WRN: variants seen among roughly 807,000 people sequenced by gnomAD.
WRN encodes WRN RecQ like helicase, also known as bifunctional 3'-5' exonuclease/ATP-dependent helicase WRN.
Under a neutral mutation model 180.7 loss-of-function variants are expected in WRN, and 149 were observed. The observed-to-expected ratio is 0.82, with a 90% CI of 0.72 to 0.94. The LOEUF (loss-of-function observed/expected upper bound fraction) is 0.94, where lower values mean the gene tolerates loss of function less well. Among genes scored for constraint, WRN ranks in the 40% least tolerant of loss-of-function variants. The probability of loss-of-function intolerance (pLI) is 0.00; values close to 1 mark genes in which losing one functional copy is unlikely to be tolerated. For synonymous variants in WRN, 548 were observed against 568.9 expected (o/e 0.96, Z 0.52); for missense variants, 1,661 against 1,700.1 (o/e 0.98, Z 0.40).
At chr8:31,090,334 G>A in intron 13 of WRN, 131 bp from the exon 14 acceptor site, 1 of 837,806 alleles carries the variant, frequency 1.2e-6, no homozygotes, top group African/African-American at 1.9e-5. Context: ...TAAAGTTCCA[G>A]GTTTGTGCAT....
chr8:31,080,965 A>G lies in WRN; in HGVS notation c.938A>G (p.Asn313Ser). ...ATTGAGACTGAACTGAGGCCCAGCA[A>G]TAATTTAAACTTATTATCCTTTGAA... is the stretch of plus-strand genomic sequence containing the variant. ...TNIETELRPS[N>S]NLNLLSFEDS... The change falls in exon 9 of 35, where the codon AAT becomes AGT. Residue 313 changes from asparagine (N) to serine (S), a missense_variant. This residue lies in a region of WRN where 500 missense variants were observed against 504.1 expected (regional missense o/e 0.99). Transcript: ENST00000298139. The G allele has an allele frequency of 6.2e-7, 1 of 1,613,974 alleles. No homozygotes were observed. Among genetic ancestry groups the G allele is most frequent in the Non-Finnish European group, 8.5e-7 (1 of 1,179,916 alleles).
intron 33 of WRN, among the ~76,000 whole-genome samples, chr8:31,161,016 TC>T (rs1342469613): frequency 2.0e-5 from 3 of 150,070 alleles, no homozygotes; most frequent in South Asian, 2.1e-4. Flanking sequence ...TTTGTGCAGT[TC>T]CCCCCACCCC....
chr8:31,091,720 A>C (rs1813753431), intron 15 of WRN, 110 bp from the exon 16 acceptor site: 3 of 1,135,666 alleles, frequency 2.6e-6, no homozygotes, highest in South Asian at 2.8e-5. Flanking sequence ...AGAAAATTGC[A>C]AAGAACAGGA....
At chr8:31,114,957 G>A (rs980618069) in intron 19 of WRN, among the ~76,000 whole-genome samples, 6 of 150,132 alleles carry the variant, frequency 4.0e-5, no homozygotes, top group African/African-American at 7.4e-5. Context: ...ATGCAGTGGC[G>A]GGATCTTGGC....
intron 33 of WRN, among the ~76,000 whole-genome samples, chr8:31,162,018 A>G (rs1335815191): frequency 6.6e-6 from 1 of 151,800 alleles, no homozygotes; most frequent in Non-Finnish European, 1.5e-5. Flanking sequence ...GGCCACACTC[A>G]CCCCTGTGAT....
At chr8:31,067,382 T>C (rs1472397856) in intron 6 of WRN, among the ~76,000 whole-genome samples, 200 bp downstream of exon 6, 1 of 152,206 alleles carries the variant, frequency 6.6e-6, no homozygotes, top group Admixed American at 6.5e-5. Context: ...ATCAACAGAT[T>C]GTTCAATGCT....
Position 31,175,413 on chromosome 8 carries a change from G to A in WRN, c.*2311G>A, listed in dbSNP as rs1000558044. Among the ~76,000 whole-genome samples, 10 of 152,142 alleles carry A rather than the reference G, an allele frequency of 6.6e-5. No homozygotes were observed. Among genetic ancestry groups the A allele is most frequent in the African/African-American group, 4.8e-5 (2 of 41,430 alleles). ...CTGCGCCACTGCACCCCAGCCTGGC[G>A]ACAGAGCAAGACTCCGTCTCAAAAA... On this transcript the variant is annotated 3_prime_UTR_variant, in exon 35 of 35. Coordinates refer to ENST00000298139, the MANE Select transcript of WRN (RefSeq NM_000553.6).
At chr8:31,072,748 A>G (rs1354269485) in intron 7 of WRN, among the ~76,000 whole-genome samples, 1 of 152,216 alleles carries the variant, frequency 6.6e-6, no homozygotes, top group Non-Finnish European at 1.5e-5. Flanking sequence ...TATAACACTT[A>G]TATGTTGGGT....
intron 19 of WRN, among the ~76,000 whole-genome samples, chr8:31,112,233 C>G (rs1801349331): frequency 6.6e-6 from 1 of 152,014 alleles, no homozygotes; most frequent in Admixed American, 6.6e-5. Flanking sequence ...CACCACCATG[C>G]CTGGCTAGGA....
chr8:31,139,674 A>G (rs560722626), intron 24 of WRN, among the ~76,000 whole-genome samples: 1 of 152,346 alleles, frequency 6.6e-6, no homozygotes, highest in African/African-American at 2.4e-5. Flanking sequence ...GTTGATACTT[A>G]CGAAGCTCAT....
intron 22 of WRN, 87 bp from the exon 23 acceptor site, chr8:31,124,821 T>C: frequency 3.0e-6 from 4 of 1,346,662 alleles, no homozygotes; most frequent in South Asian, 1.2e-5. Context: ...AATCAATTAA[T>C]GGTGATTTTA....
intron 19 of WRN, among the ~76,000 whole-genome samples, chr8:31,115,825 A>G (rs1936899364): frequency 6.6e-6 from 1 of 152,198 alleles, no homozygotes; most frequent in Non-Finnish European, 1.5e-5. Context: ...GTTTTCTATA[A>G]CATTCAGTCT....
At chr8:31,135,004 C>T (rs1056768591) in intron 24 of WRN, among the ~76,000 whole-genome samples, 3 of 152,004 alleles carry the variant, frequency 2.0e-5, no homozygotes, top group Non-Finnish European at 4.4e-5. Flanking sequence ...AAAGCACCCC[C>T]GTCCTCCCCC....
chr8:31,151,361 A>G (rs1310682228), intron 31 of WRN, among the ~76,000 whole-genome samples: 1 of 152,202 alleles, frequency 6.6e-6, no homozygotes, highest in Admixed American at 6.5e-5. Context: ...GTTGGATCCT[A>G]CTTTAGAAAA....
chr8:31,060,933 G>A (rs865833801), intron 3 of WRN, among the ~76,000 whole-genome samples: 1 of 152,170 alleles, frequency 6.6e-6, no homozygotes. Context: ...ATTATGATGT[G>A]CCCTTGTGTA....
At position 31,117,065 on chromosome 8, in the gene WRN, G is replaced by T. The variant is rs11574308; in HGVS notation, c.2448+537G>T. Among the ~76,000 whole-genome samples, 8 of 152,220 alleles carry T rather than the reference G, an allele frequency of 5.3e-5. No individual in the cohort carries two copies. The South Asian group carries it at 6.2e-4, about 12-fold the overall frequency. Reference sequence around the variant, plus strand: ...GAATGGGTCGGTTGGCCAGGTTATAGATGGCTTTAAAACTTGCAAAGAAGC... The same window carrying T: ...GAATGGGTCGGTTGGCCAGGTTATATATGGCTTTAAAACTTGCAAAGAAGC... On this transcript the variant is annotated intron_variant, in intron 20 of 34. Transcript: ENST00000298139.
chr8:31,159,041 G>A (rs1468923082), intron 33 of WRN, among the ~76,000 whole-genome samples: 4 of 152,112 alleles, frequency 2.6e-5, no homozygotes, highest in South Asian at 2.1e-4. Flanking sequence ...GCTTGTGTCT[G>A]TAATCCCAGC....
chr8:31,171,211 C>T (rs1804087742), intron 34 of WRN: 1 of 152,084 alleles, frequency 6.6e-6, no homozygotes, highest in Non-Finnish European at 1.5e-5. Context: ...AGGGTTTCTT[C>T]CTCTGCTCTA....
chr8:31,116,342 C>G lies in WRN; in HGVS notation c.2274-12C>G. On this transcript the variant is annotated splice_polypyrimidine_tract_variant and intron_variant, in intron 19 of 34. Transcript: ENST00000298139. ...TATATATGTTTGCTCTTTTGTTCTT[C>G]TTTTTCTTTAGTTCCCACTGGGAAT... The G allele has an allele frequency of 6.2e-7, 1 of 1,613,504 alleles. No individual in the cohort carries two copies. Among genetic ancestry groups the G allele is most frequent in the Non-Finnish European group, 8.5e-7 (1 of 1,179,752 alleles).
Sources: gnomAD v4.1 joint callset for allele counts (sites outside exome capture counted in the v4.1 genomes callset) on GRCh38, gnomAD v4.1.1 for gene constraint, gnomAD v4.1.1 regional missense constraint, MANE v1.5 for transcripts, NCBI Gene and HGNC (gene_info 2026-07-23, HGNC 2026-07-21) for gene names.